FOXN3: variants seen among roughly 807,000 people sequenced by gnomAD.
FOXN3 encodes the protein forkhead box protein N3.
In FOXN3, 7 loss-of-function variants were observed where a neutral mutation model predicts 38.4. The observed-to-expected ratio is 0.18, with a 90% CI of 0.10 to 0.34. The LOEUF is 0.34. Ranked by LOEUF, FOXN3 falls within the 10% of genes least tolerant of loss-of-function variation. FOXN3 has a pLI of 1.00. For synonymous variants in FOXN3, 230 were observed against 242.2 expected (o/e 0.95, Z 0.47); for missense variants, 456 against 613.4 (o/e 0.74, Z 2.71).
At chr14:89,610,754 C>A (rs985772863) in intron 1 of FOXN3, among the ~76,000 whole-genome samples, 1 of 152,160 alleles carries the variant, frequency 6.6e-6, no homozygotes, top group African/African-American at 2.4e-5. Context: ...CCCTCGTATC[C>A]CTATCATAGG....
intron 1 of FOXN3, among the ~76,000 whole-genome samples, chr14:89,547,064 C>T (rs998186520): frequency 1.3e-5 from 2 of 152,012 alleles, no homozygotes; most frequent in Non-Finnish European, 2.9e-5. Flanking sequence ...GGATTACAGG[C>T]GAGAGTCACC....
At chr14:89,398,268 T>C (rs1891151574) in intron 2 of FOXN3, among the ~76,000 whole-genome samples, 1 of 152,190 alleles carries the variant, frequency 6.6e-6, no homozygotes, top group Non-Finnish European at 1.5e-5. Context: ...ATTTTGAAAA[T>C]AACGCAATGA....
intron 4 of FOXN3, among the ~76,000 whole-genome samples, chr14:89,278,936 C>T (rs912041701): frequency 2.0e-5 from 3 of 152,084 alleles, no homozygotes; most frequent in African/African-American, 7.2e-5. Flanking sequence ...TATCTTTATT[C>T]GTAAAATCTT....
chr14:89,286,179 G>A (rs998993735), intron 3 of FOXN3, among the ~76,000 whole-genome samples: 3 of 151,662 alleles, frequency 2.0e-5, no homozygotes, highest in African/African-American at 7.3e-5. Context: ...AGGGGAGGAG[G>A]GAGAGGAGTA....
At position 89,363,972 on chromosome 14, in the gene FOXN3, AT is replaced by A. The variant is rs1471281777; in HGVS notation, c.544-13165del. ...AATATATATATATATATATATATAT[AT>A]ATATATATATATATAATATATATAT... On this transcript the variant is annotated intron_variant, in intron 2 of 5. Transcript: ENST00000557258. 2.3e-3 allele frequency among the ~76,000 whole-genome samples: 94 copies of A among 40,976 alleles called. 6 individuals are homozygous for A. Among genetic ancestry groups the A allele is most frequent in the African/African-American group, 5.2e-3 (68 of 13,076 alleles). 26.9% of individuals were successfully genotyped at this position (40,976 alleles called of 152,430 possible). A position where few individuals can be genotyped will look rare whatever the true frequency, so the allele number is the denominator to read the frequency against.
chr14:89,204,048 C>T (rs893304421), intron 4 of FOXN3, among the ~76,000 whole-genome samples: 4 of 128,710 alleles, frequency 3.1e-5, no homozygotes, highest in African/African-American at 9.2e-5. Context: ...CAGGCATACT[C>T]CCTTACACAC....
Position 89,570,933 on chromosome 14 carries a change from C to T in FOXN3, c.-15+48095G>A, listed in dbSNP as rs1233462217. ...AACCACTGTCAGCAAATAAAAGTAA[C>T]CATTTCTAGACATTTCAAACTTTGT... On this transcript the variant is annotated intron_variant, in intron 1 of 6. Transcript: ENST00000345097. Among the ~76,000 whole-genome samples the T allele has an allele frequency of 4.6e-5, 7 of 152,184 alleles. No individual in the cohort carries two copies. The East Asian group carries it at 1.4e-3, about 29-fold the overall frequency.
intron 4 of FOXN3, among the ~76,000 whole-genome samples, chr14:89,246,730 G>A (rs1241380529): frequency 6.6e-6 from 1 of 151,726 alleles, no homozygotes; most frequent in Admixed American, 6.6e-5. Flanking sequence ...TAGTCGAGAC[G>A]GGGTTTCACC....
At chr14:89,259,387 C>T (rs1345386902) in intron 4 of FOXN3, among the ~76,000 whole-genome samples, 1 of 152,080 alleles carries the variant, frequency 6.6e-6, no homozygotes, top group Non-Finnish European at 1.5e-5. Context: ...TCATGTTTCC[C>T]TCTTTGCTCT....
In FOXN3 at chr14:89,279,953, C is replaced by T. The variant is rs576796965; in HGVS notation, c.745+997G>A. ...ATCTCCTACTCCTTCACACACAGGG[C>T]CGGCCCTCAGCCTCTACTTCTAAGG... On this transcript the variant is annotated intron_variant, in intron 4 of 5. Coordinates refer to ENST00000557258, the MANE Select transcript of FOXN3 (RefSeq NM_005197.4). 7.2e-5 allele frequency among the ~76,000 whole-genome samples: 11 copies of T among 152,276 alleles called. No homozygotes were observed. The East Asian group carries it at 2.1e-3, about 29-fold the overall frequency.
intron 1 of FOXN3, among the ~76,000 whole-genome samples, chr14:89,585,205 C>T (rs1287781365): frequency 6.6e-6 from 1 of 152,072 alleles, no homozygotes; most frequent in African/African-American, 2.4e-5. Context: ...TAACTTAATG[C>T]CTTCTTCACC....
chr14:89,363,858 T>C (rs760688587), intron 2 of FOXN3, among the ~76,000 whole-genome samples: 5 of 150,882 alleles, frequency 3.3e-5, no homozygotes, highest in Admixed American at 1.3e-4. Context: ...ATGGGAGGAC[T>C]GCTTGAGCCT....
At chr14:89,336,931 G>T (rs1415844480) in intron 3 of FOXN3, among the ~76,000 whole-genome samples, 4 of 152,174 alleles carry the variant, frequency 2.6e-5, no homozygotes, top group African/African-American at 4.8e-5. Context: ...CCACATCTAA[G>T]GGGTGAGGGT....
intron 1 of FOXN3, among the ~76,000 whole-genome samples, chr14:89,474,820 TA>T (rs1263101728): frequency 3.3e-5 from 5 of 152,066 alleles, no homozygotes; most frequent in Middle Eastern, 3.2e-3. Flanking sequence ...TATTTATTAT[TA>T]TTATTTTTTC....
At chr14:89,204,721 G>T (rs559400920) in intron 4 of FOXN3, among the ~76,000 whole-genome samples, 1 of 152,236 alleles carries the variant, frequency 6.6e-6, no homozygotes, top group South Asian at 2.1e-4. Flanking sequence ...AGAAGGCTAT[G>T]ATAATATAAC....
At chr14:89,435,578 A>G (rs1205885303) in intron 1 of FOXN3, among the ~76,000 whole-genome samples, 1 of 152,092 alleles carries the variant, frequency 6.6e-6, no homozygotes, top group Non-Finnish European at 1.5e-5. Flanking sequence ...AAACCACCCC[A>G]GATGCTTCCT....
In FOXN3 at chr14:89,366,825, A is replaced by G. The variant is rs1890173965; in HGVS notation, c.544-16017T>C. Among the ~76,000 whole-genome samples the G allele has an allele frequency of 1.3e-5, 2 of 152,190 alleles. 1 individual carries two copies. Among genetic ancestry groups the G allele is most frequent in the South Asian group, 4.1e-4 (2 of 4,830 alleles). On this transcript the variant is annotated intron_variant, in intron 2 of 5. Coordinates refer to ENST00000557258, the MANE Select transcript of FOXN3 (RefSeq NM_005197.4). ...AATAAAGGTAACGTGGGCCTGACACATGGATGCCCTTGGTTGGATTACAAC... is the reference window on the plus strand; with the variant it reads ...AATAAAGGTAACGTGGGCCTGACACGTGGATGCCCTTGGTTGGATTACAAC...
intron 4 of FOXN3, among the ~76,000 whole-genome samples, chr14:89,203,242 G>A (rs1888280717): frequency 6.6e-6 from 1 of 152,198 alleles, no homozygotes; most frequent in African/African-American, 2.4e-5. Context: ...TTGAGGGGAG[G>A]GGACTTCAGA....
At chr14:89,585,436 C>T (rs991304138) in intron 1 of FOXN3, among the ~76,000 whole-genome samples, 11 of 152,120 alleles carry the variant, frequency 7.2e-5, no homozygotes, top group African/African-American at 2.7e-4. Context: ...GTCATGTCTG[C>T]TTTATCATAT....
Sources: gnomAD v4.1 joint callset for allele counts (sites outside exome capture counted in the v4.1 genomes callset) on GRCh38, gnomAD v4.1.1 for gene constraint, MANE v1.5 for transcripts, NCBI Gene and HGNC (gene_info 2026-07-23, HGNC 2026-07-21) for gene names.